STK10: variants seen among roughly 807,000 people sequenced by gnomAD.
STK10 encodes the protein serine/threonine-protein kinase 10.
Under a neutral mutation model 113.8 loss-of-function variants are expected in STK10, and 78 were observed. The observed-to-expected ratio is 0.69, with a 90% CI of 0.57 to 0.83. The LOEUF (loss-of-function observed/expected upper bound fraction) is 0.83. Ranked by LOEUF, STK10 falls within the 40% of genes least tolerant of loss-of-function variation. The pLI, the probability that STK10 is intolerant of heterozygous loss-of-function variation, is 0.00. For missense variants in STK10, 1,109 were observed against 1,280.1 expected (o/e 0.87, Z 2.04); for synonymous variants, 465 against 494.7 (o/e 0.94, Z 0.80).
intron 1 of STK10, among the ~76,000 whole-genome samples, chr5:172,166,231 C>G (rs948221726): frequency 1.3e-5 from 2 of 152,202 alleles, no homozygotes; most frequent in African/African-American, 4.8e-5. Context: ...GAGGGTGAGG[C>G]CAAGATGGCA....
At chr5:172,160,389 T>C (rs1373384087) in intron 1 of STK10, among the ~76,000 whole-genome samples, 4 of 151,174 alleles carry the variant, frequency 2.6e-5, no homozygotes, top group African/African-American at 9.7e-5. Context: ...GTGGGAGAAC[T>C]GCTTGAACCT....
At chr5:172,152,203 T>G (rs1273451522) in intron 2 of STK10, among the ~76,000 whole-genome samples, 1 of 152,212 alleles carries the variant, frequency 6.6e-6, no homozygotes, top group Non-Finnish European at 1.5e-5. Context: ...CCACTAGACT[T>G]TGAGCTCCGT....
In STK10 at chr5:172,114,471, A is replaced by ATT. The variant is rs1216558864; in HGVS notation, c.520+3009_520+3010insAA. On this transcript the variant is annotated intron_variant, in intron 4 of 18. Coordinates refer to ENST00000176763, the MANE Select transcript of STK10 (RefSeq NM_005990.4). ...AAATTATATATATATATATATATAT[A>ATT]TATTTTTTTTTTTTTTTTTTTTTTT... 1.7e-3 allele frequency: 67 copies of ATT among 38,400 alleles called. 1 individual carries two copies. Among genetic ancestry groups the ATT allele is most frequent in the African/African-American group, 5.5e-3 (41 of 7,450 alleles). The allele number at this position is 38,400 out of a possible 1,614,324, so 2.4% of individuals were successfully genotyped here. A position where few individuals can be genotyped will look rare whatever the true frequency, so the allele number is the denominator to read the frequency against.
intron 10 of STK10, among the ~76,000 whole-genome samples, chr5:172,089,403 T>TGGATGGATGGATGGATGGATGGATGGAA (rs1768637563): frequency 4.8e-5 from 7 of 145,044 alleles, no homozygotes; most frequent in African/African-American, 1.9e-4. Flanking sequence ...CATGGATGGA[T>TGGATGGATGGATGGATGGATGGATGGAA]GGATGGATGG....
intron 3 of STK10, among the ~76,000 whole-genome samples, chr5:172,121,896 G>A (rs989637113): frequency 2.1e-5 from 3 of 146,030 alleles, no homozygotes; most frequent in Admixed American, 6.9e-5. Context: ...TTTAGACGAC[G>A]TCTCTGTCAC....
chr5:172,056,161 G>C (rs1181106842), intron 15 of STK10, among the ~76,000 whole-genome samples: 1 of 152,144 alleles, frequency 6.6e-6, no homozygotes. Flanking sequence ...ACACCTATTT[G>C]TATTTCAAAG....
In STK10 at chr5:172,107,773, G is replaced by C. The variant is rs373618337; in HGVS notation, c.593+7C>G. 8.1e-6 allele frequency: 13 copies of C among 1,613,718 alleles called. No individual in the cohort carries two copies. Among genetic ancestry groups the C allele is most frequent in the Non-Finnish European group, 1.1e-5 (13 of 1,179,746 alleles). ...TCCATTCCATTTCCAGAAGCTACAC[G>C]ACTCACCAGTAAGGCGTGCCGATGA... On this transcript the variant is annotated splice_region_variant and intron_variant, in intron 5 of 18. Coordinates refer to ENST00000176763, the MANE Select transcript of STK10 (RefSeq NM_005990.4).
At chr5:172,085,379 G>C (rs964396981) in intron 10 of STK10, among the ~76,000 whole-genome samples, 2 of 151,984 alleles carry the variant, frequency 1.3e-5, no homozygotes, top group Non-Finnish European at 2.9e-5. Flanking sequence ...GTTTCTTAAT[G>C]AGCAAATCCA....
chr5:172,177,242 G>A (rs182120666), intron 1 of STK10, among the ~76,000 whole-genome samples: 17 of 152,178 alleles, frequency 1.1e-4, no homozygotes, highest in African/African-American at 3.1e-4. Context: ...AGGTCACAGC[G>A]AGAAGGCACC....
chr5:172,124,794 G>T (rs971892218), intron 3 of STK10, among the ~76,000 whole-genome samples: 5 of 151,984 alleles, frequency 3.3e-5, no homozygotes, highest in Non-Finnish European at 7.4e-5. Flanking sequence ...CTTATGAACG[G>T]TCTCTGTGCA....
rs148243404 is a variant in STK10, at chr5:172,095,279, G to A, written c.1005+1147C>T. ...AGTGATGGCTCAAAAACGCAGATCT[G>A]ATTCTGTCACCTCCACCCCAATACC... On this transcript the variant is annotated intron_variant, in intron 8 of 18. Coordinates refer to ENST00000176763, the MANE Select transcript of STK10 (RefSeq NM_005990.4). 2.9e-3 allele frequency among the ~76,000 whole-genome samples: 437 copies of A among 152,294 alleles called. 3 individuals carry two copies. Among genetic ancestry groups the A allele is most frequent in the African/African-American group, 9.7e-3 (402 of 41,554 alleles).
At chr5:172,124,344 C>T (rs2113785042) in intron 3 of STK10, among the ~76,000 whole-genome samples, 1 of 152,284 alleles carries the variant, frequency 6.6e-6, no homozygotes, top group South Asian at 2.1e-4. Context: ...GACCTTTCCC[C>T]CACCTAAAAA....
chr5:172,182,027 C>T (rs1030949303), intron 1 of STK10, among the ~76,000 whole-genome samples: 9 of 151,862 alleles, frequency 5.9e-5, no homozygotes, highest in South Asian at 2.1e-4. Context: ...TTAAAAAGGC[C>T]GGCTCGGTGG....
At chr5:172,153,683 T>C (rs143457189) in intron 2 of STK10, among the ~76,000 whole-genome samples, 2 of 152,210 alleles carry the variant, frequency 1.3e-5, no homozygotes, top group East Asian at 1.9e-4. Flanking sequence ...CATGGAAAAG[T>C]GGGCTCCTAA....
chr5:172,064,333 CAGG>C (rs1362158253), intron 13 of STK10: 1 of 212,214 alleles, frequency 4.7e-6, no homozygotes, highest in Admixed American at 5.1e-5. Context: ...ATAACAGGAC[CAGG>C]TCTGGGACAT....
chr5:172,136,287 C>G (rs1189687253), intron 2 of STK10, among the ~76,000 whole-genome samples: 1 of 152,160 alleles, frequency 6.6e-6, no homozygotes, highest in Non-Finnish European at 1.5e-5. Flanking sequence ...TCTAAGGAGA[C>G]TGAACAGTAA....
chr5:172,122,672 G>A (rs1433020927), intron 3 of STK10, among the ~76,000 whole-genome samples: 1 of 152,174 alleles, frequency 6.6e-6, no homozygotes, highest in Non-Finnish European at 1.5e-5. Context: ...CGCCCAGGCT[G>A]GAGTGCAGTG....
At chr5:172,168,024 C>T (rs1770601270) in intron 1 of STK10, among the ~76,000 whole-genome samples, 1 of 152,218 alleles carries the variant, frequency 6.6e-6, no homozygotes, top group Non-Finnish European at 1.5e-5. Context: ...GGCTGAGTGG[C>T]AGGTGTGAGG....
intron 2 of STK10, among the ~76,000 whole-genome samples, chr5:172,153,288 A>ACG (rs1554123012): frequency 7.0e-6 from 1 of 142,036 alleles, no homozygotes; most frequent in African/African-American, 2.9e-5. Context: ...CTCCATCTCA[A>ACG]AAAGAAAGAA....
Sources: allele counts gnomAD v4.1 joint callset (sites outside exome capture counted in the v4.1 genomes callset), GRCh38; gene constraint gnomAD v4.1.1; transcripts MANE v1.5; gene names NCBI Gene and HGNC (gene_info 2026-07-23, HGNC 2026-07-21).